DENND1B: variants seen among roughly 807,000 people sequenced by gnomAD.
The protein encoded by DENND1B is DENN domain-containing protein 1B.
In DENND1B, 59 loss-of-function variants were observed where a neutral mutation model predicts 90.1. The observed-to-expected ratio is 0.65, with a 90% CI of 0.53 to 0.81. DENND1B has a LOEUF of 0.81. Among genes scored for constraint, DENND1B ranks in the 40% least tolerant of loss-of-function variants. The pLI is 0.00. For missense variants in DENND1B, 862 were observed against 912.6 expected (o/e 0.94, Z 0.71); for synonymous variants, 337 against 324.6 (o/e 1.04, Z -0.41).
Position 197,611,967 on chromosome 1 carries a change from C to T in DENND1B, c.783G>A (p.Met261Ile). The T allele has an allele frequency of 6.2e-7, 1 of 1,603,062 alleles. No homozygotes were observed. The highest frequency in any genetic ancestry group is 8.5e-7 in the Non-Finnish European group (1 of 1,172,540). ...TGGAGTGTATTCCAATCAGGTATGGCATTGGGGCACTAAATTAAAAATATA... is the reference window on the plus strand; with the variant it reads ...TGGAGTGTATTCCAATCAGGTATGGTATTGGGGCACTAAATTAAAAATATA... ...PHLLDYCCAP[M>I]PYLIGIHSSL... Residue 261 changes from methionine (M) to isoleucine (I), a missense_variant, in exon 12 of 23, where the codon ATG (methionine) becomes ATA (isoleucine). By Grantham distance (10) the Met-to-Ile change is conservative. Coordinates refer to ENST00000620048, the MANE Select transcript of DENND1B (RefSeq NM_001195215.2).
intron 2 of DENND1B, among the ~76,000 whole-genome samples, chr1:197,748,990 T>C (rs1041603935): frequency 1.3e-5 from 2 of 152,096 alleles, no homozygotes; most frequent in Admixed American, 6.6e-5. Flanking sequence ...AAAAAATACA[T>C]TATTTGAGAC....
chr1:197,624,752 G>C (rs1244332937), intron 10 of DENND1B, among the ~76,000 whole-genome samples: 1 of 151,828 alleles, frequency 6.6e-6, no homozygotes, highest in Non-Finnish European at 1.5e-5. Flanking sequence ...CAAAGGCAAA[G>C]AAGTTAAAAA....
At chr1:197,634,571 T>TCC (rs1454699500) in intron 10 of DENND1B, among the ~76,000 whole-genome samples, 3 of 152,018 alleles carry the variant, frequency 2.0e-5, no homozygotes, top group Non-Finnish European at 4.4e-5. Flanking sequence ...CTGAAAAGGG[T>TCC]TTAAGATGTA....
intron 3 of DENND1B, chr1:197,690,227 C>T: frequency 7.0e-6 from 2 of 285,668 alleles, no homozygotes; most frequent in Non-Finnish European, 1.4e-5. Context: ...CTCGTCATGG[C>T]AATGTTGCTG....
chr1:197,728,393 T>A (rs1006987808), intron 2 of DENND1B, among the ~76,000 whole-genome samples: 2 of 152,230 alleles, frequency 1.3e-5, no homozygotes, highest in Admixed American at 1.3e-4. Flanking sequence ...TTTGTAGATA[T>A]TCATAAGCAT....
At chr1:197,679,491 C>T (rs1001312007) in intron 3 of DENND1B, among the ~76,000 whole-genome samples, 2 of 151,624 alleles carry the variant, frequency 1.3e-5, no homozygotes, top group Non-Finnish European at 2.9e-5. Flanking sequence ...TAGTTACATG[C>T]AAAACAGAAG....
intron 2 of DENND1B, among the ~76,000 whole-genome samples, chr1:197,748,613 T>C (rs1161171321): frequency 6.6e-6 from 1 of 152,096 alleles, no homozygotes. Context: ...TCATCGGCTA[T>C]TGTGGGCTTT....
chr1:197,771,815 T>C (rs1015442216), intron 2 of DENND1B, among the ~76,000 whole-genome samples: 2 of 152,168 alleles, frequency 1.3e-5, no homozygotes, highest in African/African-American at 4.8e-5. Context: ...TAAAGACATA[T>C]ACTTTAAGTA....
At chr1:197,724,084 T>C (rs1661421124) in intron 2 of DENND1B, among the ~76,000 whole-genome samples, 1 of 152,128 alleles carries the variant, frequency 6.6e-6, no homozygotes, top group African/African-American at 2.4e-5. Context: ...GATATAAAGA[T>C]GGTCTGAAGT....
chr1:197,704,129 T>C (rs1420793690), intron 3 of DENND1B, among the ~76,000 whole-genome samples: 1 of 152,072 alleles, frequency 6.6e-6, no homozygotes, highest in African/African-American at 2.4e-5. Flanking sequence ...CCTGTAGTCC[T>C]AGCCACTTTG....
chr1:197,541,648 A>T (rs910208962), intron 18 of DENND1B, among the ~76,000 whole-genome samples: 1 of 152,198 alleles, frequency 6.6e-6, no homozygotes, highest in South Asian at 2.1e-4. Context: ...CTTTCACAAA[A>T]GCCTTAGCCT....
intron 14 of DENND1B, among the ~76,000 whole-genome samples, chr1:197,584,892 C>G (rs1369771033): frequency 1.3e-5 from 2 of 152,026 alleles, no homozygotes; most frequent in Non-Finnish European, 2.9e-5. Flanking sequence ...AGGTTGGTCT[C>G]AAACTCCTGG....
At chr1:197,726,764 A>C (rs900299045) in intron 2 of DENND1B, among the ~76,000 whole-genome samples, 1 of 152,214 alleles carries the variant, frequency 6.6e-6, no homozygotes, top group African/African-American at 2.4e-5. Context: ...AGAGGTTATC[A>C]AGCTGGAAAA....
At chr1:197,623,329 T>C (rs148017466) in intron 10 of DENND1B, among the ~76,000 whole-genome samples, 17 of 151,568 alleles carry the variant, frequency 1.1e-4, no homozygotes, top group East Asian at 9.8e-4. Flanking sequence ...GAATTCCTCA[T>C]AAAATTTTTA....
At chr1:197,545,391 C>T (rs1299021454) in intron 18 of DENND1B, among the ~76,000 whole-genome samples, 3 of 151,132 alleles carry the variant, frequency 2.0e-5, no homozygotes, top group African/African-American at 7.3e-5. Flanking sequence ...GGTGACAGAG[C>T]GAGACTTCGT....
intron 13 of DENND1B, among the ~76,000 whole-genome samples, chr1:197,598,113 A>G (rs958380277): frequency 1.3e-5 from 2 of 151,910 alleles, no homozygotes; most frequent in African/African-American, 2.4e-5. Flanking sequence ...CTAATTTCAT[A>G]CAGATTTTAA....
At position 197,775,243 on chromosome 1, in the gene DENND1B, C is replaced by A; in HGVS notation, c.-88G>T. ...CCGGCCGCGCGAGGGTCGCGCCGTC[C>A]CCGCCCACGCCGGCGGCCACACAGG... On this transcript the variant is annotated 5_prime_UTR_variant, in exon 1 of 23. Coordinates refer to ENST00000620048, the MANE Select transcript of DENND1B (RefSeq NM_001195215.2). The A allele has an allele frequency of 9.3e-7, 1 of 1,072,866 alleles. No individual in the cohort carries two copies. Among genetic ancestry groups the A allele is most frequent in the Non-Finnish European group, 1.2e-6 (1 of 837,532 alleles). The allele number at this position is 1,072,866 out of a possible 1,614,324, so 66.5% of individuals were successfully genotyped here. A position where few individuals can be genotyped will look rare whatever the true frequency, so the allele number is the denominator to read the frequency against.
chr1:197,616,834 T>C (rs1263529235), intron 11 of DENND1B, among the ~76,000 whole-genome samples: 1 of 151,112 alleles, frequency 6.6e-6, no homozygotes, highest in Non-Finnish European at 1.5e-5. Flanking sequence ...TGCACAATGA[T>C]TTAGAGGAAA....
intron 3 of DENND1B, among the ~76,000 whole-genome samples, chr1:197,684,119 T>G (rs2126004695): frequency 6.6e-6 from 1 of 152,364 alleles, no homozygotes; most frequent in Non-Finnish European, 1.5e-5. Flanking sequence ...TAAAAGAGTC[T>G]GCATGCTTGC....
Sources: allele counts gnomAD v4.1 joint callset (sites outside exome capture counted in the v4.1 genomes callset), GRCh38; gene constraint gnomAD v4.1.1; transcripts MANE v1.5; gene names NCBI Gene and HGNC (gene_info 2026-07-23, HGNC 2026-07-21).